Variants in C17orf113 observed in about 807,000 individuals in gnomAD.
C17orf113 encodes chromosome 17 open reading frame 113, also known as uncharacterized protein C17orf113.
In C17orf113, 5 loss-of-function variants were observed where a neutral mutation model predicts 11.6. The ratio of observed to expected loss-of-function variants is 0.43; its 90% confidence interval spans 0.23 to 0.91. The LOEUF is 0.91. Ranked by LOEUF, C17orf113 falls within the 40% of genes least tolerant of loss-of-function variation. The pLI is 0.26. For missense variants in C17orf113, 714 were observed against 841.3 expected (o/e 0.85, Z 1.87); for synonymous variants, 327 against 390.6 (o/e 0.84, Z 1.92).
intron 1 of C17orf113, among the ~76,000 whole-genome samples, chr17:42,049,693 C>G (rs2053243939): frequency 6.6e-6 from 1 of 152,206 alleles, no homozygotes. Context: ...TTTGTCAGAT[C>G]CTTTCCATGT....
chr17:42,048,178 A>G (rs1284117612), intron 1 of C17orf113, among the ~76,000 whole-genome samples: 5 of 152,040 alleles, frequency 3.3e-5, no homozygotes, highest in African/African-American at 1.2e-4. Flanking sequence ...CCTGGGCACC[A>G]CACCACTCCA....
rs557725014 is a variant in C17orf113 at position 42,049,369 on chromosome 17, C to T, written c.-188+1188G>A. On this transcript the variant is annotated intron_variant, in intron 1 of 2. Coordinates refer to ENST00000587304, the MANE Select transcript of C17orf113 (RefSeq NM_001358661.2). ...CTCTTGCTTCATCCTCTCTCCACCCCCCTTCTCATGCACGTTCCCTGAGGG... is the reference window on the plus strand; with the variant it reads ...CTCTTGCTTCATCCTCTCTCCACCCTCCTTCTCATGCACGTTCCCTGAGGG... Among the ~76,000 whole-genome samples, 13 of 152,194 alleles carry T rather than the reference C, an allele frequency of 8.5e-5. No homozygotes were observed. The South Asian group carries it at 2.3e-3, about 27-fold the overall frequency.
At chr17:42,045,593 AG>A (rs1450549658) in intron 1 of C17orf113, among the ~76,000 whole-genome samples, 2 of 152,312 alleles carry the variant, frequency 1.3e-5, no homozygotes, top group African/African-American at 4.8e-5. Context: ...GCTCAATCAG[AG>A]TGACCTCCTG....
chr17:42,042,410 T>TA (rs2053045886), intron 2 of C17orf113, among the ~76,000 whole-genome samples: 1 of 151,498 alleles, frequency 6.6e-6, no homozygotes, highest in African/African-American at 2.4e-5. Context: ...TATTCCTAGC[T>TA]AATAGGGAGG....
At chr17:42,041,910 C>T (rs1567987099) in intron 2 of C17orf113, among the ~76,000 whole-genome samples, 1 of 152,182 alleles carries the variant, frequency 6.6e-6, no homozygotes, top group African/African-American at 2.4e-5. Flanking sequence ...CCCTGCTCTC[C>T]AACTCCAGCA....
intron 1 of C17orf113, among the ~76,000 whole-genome samples, chr17:42,049,651 G>A (rs1239265363): frequency 6.6e-6 from 1 of 152,222 alleles, no homozygotes; most frequent in Non-Finnish European, 1.5e-5. Flanking sequence ...GGGGCAGAGG[G>A]GTGCAAAAGC....
At chr17:42,049,186 G>A (rs1273766442) in intron 1 of C17orf113, among the ~76,000 whole-genome samples, 4 of 152,098 alleles carry the variant, frequency 2.6e-5, no homozygotes, top group Non-Finnish European at 5.9e-5. Context: ...ATTCCCAGCT[G>A]CCCTCCCAAT....
Position 42,041,075 on chromosome 17 carries a change from G to A in C17orf113, c.658C>T (p.Leu220=), listed in dbSNP as rs568685131. 3.2e-6 allele frequency: 4 copies of A among 1,232,382 alleles called. No individual in the cohort carries two copies. In the African/African-American group the frequency reaches 6.2e-5, roughly 19 times the overall value. The allele number at this position is 1,232,382 out of a possible 1,614,324, so 76.3% of individuals were successfully genotyped here. Residue 220 remains leucine, a synonymous_variant, in exon 3 of 3, where the codon CTG becomes TTG. Coordinates refer to ENST00000587304, the MANE Select transcript of C17orf113 (RefSeq NM_001358661.2). ...CAGGGGGACACTGAAGTGGCAAACA[G>A]GGCCAGGCTGTGTGACTCCGGCCAG... is the stretch of plus-strand genomic sequence containing the variant. ...RDWPESHSLA[L]FATSVSPCDG...
chr17:42,043,431 T>A lies in C17orf113; in HGVS notation c.-55A>T. The A allele has an allele frequency of 8.2e-7, 1 of 1,223,972 alleles. No homozygotes were observed. Among genetic ancestry groups the A allele is most frequent in the Non-Finnish European group, 1.0e-6 (1 of 981,116 alleles). 75.8% of individuals were successfully genotyped at this position (1,223,972 alleles called of 1,614,324 possible). ...CCCCACCTGAATGCTCTTGCCCCCC[T>A]GCCTCCCCCACACACAGGCACCTCC... On this transcript the variant is annotated 5_prime_UTR_variant, in exon 2 of 3. Coordinates refer to ENST00000587304, the MANE Select transcript of C17orf113 (RefSeq NM_001358661.2).
At chr17:42,044,734 A>T in intron 1 of C17orf113, among the ~76,000 whole-genome samples, 1 of 152,190 alleles carries the variant, frequency 6.6e-6, no homozygotes, top group East Asian at 1.9e-4. Flanking sequence ...ACACACTCAC[A>T]CTCATACCCA....
At chr17:42,047,100 C>T (rs916892774) in intron 1 of C17orf113, among the ~76,000 whole-genome samples, 3 of 150,602 alleles carry the variant, frequency 2.0e-5, no homozygotes, top group East Asian at 1.9e-4. Context: ...GGCGCGATCT[C>T]GGCTCACTGC....
In C17orf113 at chr17:42,043,019, C is replaced by CA; in HGVS notation, c.357_358insT (p.Val120CysfsTer27). 5 of 1,232,362 alleles carry CA rather than the reference C, an allele frequency of 4.1e-6. No homozygotes were observed. In the South Asian group the frequency reaches 2.1e-4, roughly 51 times the overall value. The allele number at this position is 1,232,362 out of a possible 1,614,324, so 76.3% of individuals were successfully genotyped here. A position where few individuals can be genotyped will look rare whatever the true frequency, so the allele number is the denominator to read the frequency against. The stretch of plus-strand genomic sequence containing the variant: ...TTGGCCGGGTCTAACTCCACCTTGA[C>CA]GCCCCTGGAGGCAGGGGTCGTAGCC... On this transcript the variant is annotated frameshift_variant, in exon 2 of 3. Transcript: ENST00000587304. LOFTEE classifies it high-confidence loss of function.
At chr17:42,045,644 C>G (rs1333398388) in intron 1 of C17orf113, among the ~76,000 whole-genome samples, 2 of 152,222 alleles carry the variant, frequency 1.3e-5, no homozygotes, top group Non-Finnish European at 2.9e-5. Flanking sequence ...TGTACTGTCT[C>G]TCTCCCTCCA....
In C17orf113 at chr17:42,045,150, C is replaced by T. The variant is rs1189103490; in HGVS notation, c.-187-1587G>A. 2.6e-5 allele frequency among the ~76,000 whole-genome samples: 4 copies of T among 152,362 alleles called. No individual in the cohort carries two copies. The East Asian group carries it at 7.7e-4, about 29-fold the overall frequency. On this transcript the variant is annotated intron_variant, in intron 1 of 2. Transcript: ENST00000587304. Reference sequence around the variant, plus strand: ...GCCACGATGGTCTCGATCTCCTGACCTTGTGATCCGTCCGCCTCGGCCTCC... The same window carrying T: ...GCCACGATGGTCTCGATCTCCTGACTTTGTGATCCGTCCGCCTCGGCCTCC...
At position 42,040,022 on chromosome 17, in the gene C17orf113, G is replaced by A. The variant is rs1018084554; in HGVS notation, c.1711C>T (p.Leu571Phe). The change falls in exon 3 of 3, where the codon CTT (leucine) becomes TTT (phenylalanine). Residue 571 changes from leucine (L) to phenylalanine (F), a missense_variant. Leu to Phe is a conservative substitution (Grantham distance 22, BLOSUM62 0). Around this residue, in one of 3 missense-constraint regions of C17orf113, gnomAD observed 194 missense variants for 197.2 expected, o/e 0.98. Coordinates refer to ENST00000587304, the MANE Select transcript of C17orf113 (RefSeq NM_001358661.2). ...AGGGCCCGCGGGCCGAGCCGCCCAA[G>A]GCCGAATACTACGCGCTTAAACAGC... ...FALFKRVVFG[L>F]GRLGPRALCT... 38 of 1,230,964 alleles carry A rather than the reference G, an allele frequency of 3.1e-5. No homozygotes were observed. The highest frequency in any genetic ancestry group is 4.2e-5 in the Admixed American group (1 of 23,678). 76.3% of individuals were successfully genotyped at this position (1,230,964 alleles called of 1,614,324 possible).
chr17:42,038,316 TCTAA>T lies in C17orf113; in HGVS notation c.*1385_*1388del, dbSNP rs1191522361. ...AGGCTAGCCCTCGCCCCTCTCACTC[TCTAA>T]CTATCCTCCCTCCCTCCAGATCCCC... is the stretch of plus-strand genomic sequence containing the variant. On this transcript the variant is annotated 3_prime_UTR_variant, in exon 3 of 3. Coordinates refer to ENST00000587304, the MANE Select transcript of C17orf113 (RefSeq NM_001358661.2). The T allele has an allele frequency of 1.3e-5, 6 of 472,452 alleles. No individual in the cohort carries two copies. Among genetic ancestry groups the T allele is most frequent in the Non-Finnish European group, 2.3e-5 (6 of 266,478 alleles). The allele number at this position is 472,452 out of a possible 1,614,324, so 29.3% of individuals were successfully genotyped here. A position where few individuals can be genotyped will look rare whatever the true frequency, so the allele number is the denominator to read the frequency against.
chr17:42,044,849 G>A (rs1295164184), intron 1 of C17orf113, among the ~76,000 whole-genome samples: 8 of 151,666 alleles, frequency 5.3e-5, no homozygotes, highest in Non-Finnish European at 8.8e-5. Context: ...CCCCAGGCAC[G>A]AGGCCAGGAT....
intron 2 of C17orf113, 117 bp downstream of exon 2, chr17:42,042,717 G>T (rs1378060245): frequency 5.5e-6 from 4 of 728,014 alleles, no homozygotes; most frequent in Non-Finnish European, 5.7e-6. Context: ...GAAGGGTGAA[G>T]ATATGAATGA....
rs1188751238 is a variant in C17orf113 at position 42,039,822 on chromosome 17, GC to G, written c.1910del (p.Gly637AlafsTer4). ...CATCCACTGCGATCTTCACCATGTG[GC>G]CCCCCCGGCCTTCCCCGGCCCCACT... ...GQSGAGEGRG[G>X]HMVKIAVDGP... is the part of the protein sequence containing the mutation. On this transcript the variant is annotated frameshift_variant, in exon 3 of 3. Coordinates refer to ENST00000587304, the MANE Select transcript of C17orf113 (RefSeq NM_001358661.2). LOFTEE classifies it high-confidence loss of function. 136 of 1,231,022 alleles carry G rather than the reference GC, an allele frequency of 1.1e-4. No homozygotes were observed. Among genetic ancestry groups the G allele is most frequent in the Non-Finnish European group, 1.3e-4 (128 of 987,558 alleles). The allele number at this position is 1,231,022 out of a possible 1,614,324, so 76.3% of individuals were successfully genotyped here. A position where few individuals can be genotyped will look rare whatever the true frequency, so the allele number is the denominator to read the frequency against.
Sources: allele counts gnomAD v4.1 joint callset (sites outside exome capture counted in the v4.1 genomes callset), GRCh38; gene constraint gnomAD v4.1.1; regional missense constraint gnomAD v4.1.1; transcripts MANE v1.5; gene names NCBI Gene and HGNC (gene_info 2026-07-23, HGNC 2026-07-21).